Variants in NBAS observed in about 807,000 individuals in gnomAD.
NBAS encodes NAG/BC035112 fusion.
NBAS carries 219 observed loss-of-function variants against 302.5 expected under a neutral mutation model. That is an observed-to-expected ratio of 0.72 (90% confidence interval 0.65 to 0.81). NBAS has a LOEUF of 0.81. NBAS is among the 30% of genes least tolerant of loss of function. The pLI, the probability that NBAS is intolerant of heterozygous loss-of-function variation, is 0.00. For missense variants in NBAS, 2,932 were observed against 2,841.6 expected, an observed-to-expected ratio of 1.03 and a Z score of -0.72; for synonymous variants, 1,118 against 1,021.6, an observed-to-expected ratio of 1.09 and a Z score of -1.80.
the NBAS span, among the ~76,000 whole-genome samples, chr2:15,037,906 C>CCT: frequency 6.6e-6 from 1 of 152,026 alleles, no homozygotes; most frequent in South Asian, 2.1e-4. Context: ...CATGACTTTG[C>CCT]ACACAGACAT....
chr2:15,348,382 G>A (rs1453989429), intron 35 of NBAS, among the ~76,000 whole-genome samples: 1 of 152,110 alleles, frequency 6.6e-6, no homozygotes, highest in East Asian at 1.9e-4. Context: ...TTCATTTACT[G>A]ACGGGATTTA....
chr2:15,058,649 C>T, the NBAS span, among the ~76,000 whole-genome samples: 2 of 152,136 alleles, frequency 1.3e-5, no homozygotes, highest in African/African-American at 2.4e-5. Context: ...GGAAAGATAA[C>T]ATCCTTGAGG....
At chr2:15,491,714 C>T (rs1214999416) in intron 11 of NBAS, among the ~76,000 whole-genome samples, 4 of 149,214 alleles carry the variant, frequency 2.7e-5, no homozygotes, top group Non-Finnish European at 4.4e-5. Flanking sequence ...CCAGCCTGGG[C>T]GACAGAGTGA....
chr2:15,430,975 A>AT (rs1198773951), intron 21 of NBAS, among the ~76,000 whole-genome samples: 1,516 of 144,236 alleles, frequency 0.011, 11 homozygotes, highest in East Asian at 0.034. Context: ...GGCCCGGCTA[A>AT]TTTTTTTTTT....
chr2:15,366,681 G>A lies in NBAS; in HGVS notation c.3716C>T (p.Pro1239Leu), dbSNP rs1199165129. 2 of 1,613,818 alleles carry A rather than the reference G, an allele frequency of 1.2e-6. No individual in the cohort carries two copies. Among genetic ancestry groups the A allele is most frequent in the Non-Finnish European group, 1.7e-6 (2 of 1,179,892 alleles). Residue 1239 changes from proline (P) to leucine (L), a missense_variant, in exon 32 of 52, where the codon CCT becomes CTT. Physicochemically the swap from Pro to Leu is moderately conservative, Grantham distance 98 (BLOSUM62 -3). Coordinates refer to ENST00000281513, the MANE Select transcript of NBAS (RefSeq NM_015909.4). ...KILPLQVRLC[P>L]DRISLIKECI... Reference sequence around the variant, plus strand: ...CTCCTTGATGAGACTGATCCGATCAGGGCACAATCGCACTACAAAAGAAAG... The same window carrying A: ...CTCCTTGATGAGACTGATCCGATCAAGGCACAATCGCACTACAAAAGAAAG...
At chr2:15,153,872 C>T in the NBAS span, among the ~76,000 whole-genome samples, 1 of 152,178 alleles carries the variant, frequency 6.6e-6, no homozygotes, top group Non-Finnish European at 1.5e-5. Flanking sequence ...GAGATAATTT[C>T]CATAAAAGTG....
chr2:15,180,849 T>A (rs572676880), intron 50 of NBAS, among the ~76,000 whole-genome samples: 30 of 152,346 alleles, frequency 2.0e-4, no homozygotes, highest in Admixed American at 5.2e-4. Flanking sequence ...TCCAGGTGTT[T>A]GCACATAGTG....
rs113822850 is a variant in NBAS, at chr2:15,477,610, G to C, written c.1147+616C>G. ...TATAACTATCACTGATTTTACTGAA[G>C]ACACTTAAAAATTCATCACGGATTT... is the stretch of plus-strand genomic sequence containing the variant. On this transcript the variant is annotated intron_variant, in intron 13 of 51. Transcript: ENST00000281513. 1.6e-3 allele frequency among the ~76,000 whole-genome samples: 247 copies of C among 152,192 alleles called. 1 individual carries two copies. The highest frequency in any genetic ancestry group is 2.9e-3 in the Non-Finnish European group (198 of 68,016).
chr2:14,863,194 A>G, the NBAS span, among the ~76,000 whole-genome samples: 1 of 152,230 alleles, frequency 6.6e-6, no homozygotes, highest in African/African-American at 2.4e-5. Context: ...CTAGGAAAGA[A>G]GTCATCATCT....
intron 40 of NBAS, among the ~76,000 whole-genome samples, chr2:15,301,723 A>T (rs1670805367): frequency 6.6e-6 from 1 of 152,370 alleles, no homozygotes; most frequent in Admixed American, 6.5e-5. Flanking sequence ...AGTACAGGGG[A>T]GTACAAAAGC....
intron 40 of NBAS, among the ~76,000 whole-genome samples, chr2:15,298,205 G>C (rs1012347477): frequency 6.6e-6 from 1 of 152,092 alleles, no homozygotes; most frequent in Non-Finnish European, 1.5e-5. Flanking sequence ...GAAGGTGGTG[G>C]TTAGGGAAAT....
intron 32 of NBAS, among the ~76,000 whole-genome samples, chr2:15,363,201 T>A (rs984542611): frequency 4.6e-5 from 7 of 152,228 alleles, no homozygotes; most frequent in African/African-American, 1.7e-4. Flanking sequence ...TGACTGCCTA[T>A]GGATTTCAGA....
chr2:14,953,772 G>A, the NBAS span, among the ~76,000 whole-genome samples: 1 of 152,230 alleles, frequency 6.6e-6, no homozygotes, highest in Admixed American at 6.5e-5. Context: ...GCTGTGAGAG[G>A]AAGAGGAGCA....
rs1414498688 is a variant in NBAS at position 15,179,031 on chromosome 2, T to A, written c.6797A>T (p.His2266Leu). The stretch of plus-strand genomic sequence containing the variant: ...TTGCTCCAGTGCCATCTCGTGCAGA[T>A]GCTCATCTCGGCTCTCGAGGAGAAG... ...LKLLLESRDE[H>L]LHEMALEQIT... The change falls in exon 51 of 52, where the codon CAT becomes CTT. Residue 2266 changes from histidine to leucine, a missense_variant. By Grantham distance (99) the His-to-Leu change is moderately conservative. Coordinates refer to ENST00000281513, the MANE Select transcript of NBAS (RefSeq NM_015909.4). The A allele has an allele frequency of 1.2e-6, 2 of 1,613,862 alleles. No homozygotes were observed. The highest frequency in any genetic ancestry group is 4.5e-5 in the East Asian group (2 of 44,882).
chr2:15,337,943 T>C (rs1336366734), intron 35 of NBAS, among the ~76,000 whole-genome samples: 1 of 152,180 alleles, frequency 6.6e-6, no homozygotes, highest in Non-Finnish European at 1.5e-5. Context: ...ACAGCAGAAA[T>C]AGATTAAACC....
intron 23 of NBAS, among the ~76,000 whole-genome samples, chr2:15,422,549 A>T (rs1677262309): frequency 7.1e-6 from 1 of 141,418 alleles, no homozygotes; most frequent in African/African-American, 2.8e-5. Flanking sequence ...AGTTGATTGT[A>T]AAAAAAAAAA....
the NBAS span, among the ~76,000 whole-genome samples, chr2:14,893,070 A>G: frequency 6.6e-6 from 1 of 152,282 alleles, no homozygotes; most frequent in East Asian, 1.9e-4. Flanking sequence ...TTGATTATTA[A>G]TCTTCTGTTT....
At chr2:15,273,600 A>G (rs1669430240) in intron 44 of NBAS, among the ~76,000 whole-genome samples, 1 of 152,204 alleles carries the variant, frequency 6.6e-6, no homozygotes, top group Admixed American at 6.5e-5. Context: ...AAACTAGGGT[A>G]ATAATATTAT....
intron 6 of NBAS, among the ~76,000 whole-genome samples, chr2:15,543,878 T>C (rs557871039): frequency 6.6e-6 from 1 of 152,314 alleles, no homozygotes; most frequent in South Asian, 2.1e-4. Context: ...AATCTATAAA[T>C]TCCAAAATGT....
Sources: gnomAD v4.1 joint callset for allele counts (sites outside exome capture counted in the v4.1 genomes callset) on GRCh38, gnomAD v4.1.1 for gene constraint, MANE v1.5 for transcripts, NCBI Gene and HGNC (gene_info 2026-07-23, HGNC 2026-07-21) for gene names.